The following RSPO4 variants were observed in gnomAD, a reference collection of about 807,000 sequenced individuals.
The protein encoded by RSPO4 is R-spondin-4.
RSPO4 carries 23 observed loss-of-function variants against 24.8 expected under a neutral mutation model. The observed-to-expected ratio is 0.93, with a 90% CI of 0.67 to 1.31. RSPO4 has a LOEUF of 1.31. Ranked by LOEUF, RSPO4 falls within the 40% of genes most tolerant of loss-of-function variation. The pLI, the probability that RSPO4 is intolerant of heterozygous loss-of-function variation, is 0.00. For missense variants in RSPO4, 333 were observed against 316.5 expected, an observed-to-expected ratio of 1.05 and a Z score of -0.39; for synonymous variants, 141 against 127.4, an observed-to-expected ratio of 1.11 and a Z score of -0.72.
intron 1 of RSPO4, among the ~76,000 whole-genome samples, chr20:982,964 TG>T (rs1319845922): frequency 2.6e-5 from 4 of 152,110 alleles, no homozygotes; most frequent in Non-Finnish European, 4.4e-5. Context: ...TCACAGGGAT[TG>T]GGGGCAACGC....
At chr20:1,001,098 C>A (rs1985447595) in intron 1 of RSPO4, among the ~76,000 whole-genome samples, 1 of 152,194 alleles carries the variant, frequency 6.6e-6, no homozygotes, top group Non-Finnish European at 1.5e-5. Context: ...CCAGTCTGAG[C>A]CTTGGAATCC....
rs774425406 is a variant in RSPO4 at position 964,062 on chromosome 20, G to C, written c.468C>G (p.Thr156=). The change falls in exon 4 of 5, where the codon ACC becomes ACG. Residue 156 remains threonine, a synonymous_variant. Transcript: ENST00000217260. The stretch of plus-strand genomic sequence containing the variant: ...TCTCCAGGCCCCAAGCCGAGCCGCA[G>C]GTCTTTCCATTGTGTGTGCAGGGGC... ...GWSPCTHNGK[T]CGSAWGLESR... 6.2e-7 allele frequency: 1 copy of C among 1,613,722 alleles called. No homozygotes were observed. The highest frequency in any genetic ancestry group is 1.3e-5 in the African/African-American group (1 of 74,936).
At position 960,277 on chromosome 20, in the gene RSPO4, T is replaced by G. The variant is rs1983942980; in HGVS notation, c.*80A>C. The G allele has an allele frequency of 2.4e-6, 2 of 850,694 alleles. No homozygotes were observed. Among genetic ancestry groups the G allele is most frequent in the Non-Finnish European group, 3.8e-6 (2 of 524,774 alleles). The allele number at this position is 850,694 out of a possible 1,614,324, so 52.7% of individuals were successfully genotyped here. Reference sequence around the variant, plus strand: ...AATGGAGAAGACAGAGGAGAAAGAGTAAGAGGAGAGGAGGAGAAGGAGCAG... The same window carrying G: ...AATGGAGAAGACAGAGGAGAAAGAGGAAGAGGAGAGGAGGAGAAGGAGCAG... On this transcript the variant is annotated 3_prime_UTR_variant, in exon 5 of 5. Coordinates refer to ENST00000217260, the MANE Select transcript of RSPO4 (RefSeq NM_001029871.4).
intron 1 of RSPO4, among the ~76,000 whole-genome samples, chr20:984,930 TCCATCCATCCATCCATCCATCCAC>T (rs1984858034): frequency 9.9e-6 from 1 of 101,190 alleles, no homozygotes; most frequent in Non-Finnish European, 1.8e-5. Flanking sequence ...TCCCCATCCA[TCCATCCATCCATCCATCCATCCAC>T]CCACCCACCC....
intron 1 of RSPO4, among the ~76,000 whole-genome samples, chr20:989,749 G>T (rs540608142): frequency 6.6e-6 from 1 of 152,206 alleles, no homozygotes; most frequent in East Asian, 1.9e-4. Flanking sequence ...TCCGCGAAGT[G>T]GAAACCATAA....
At chr20:985,531 G>A (rs1212029667) in intron 1 of RSPO4, among the ~76,000 whole-genome samples, 5 of 152,242 alleles carry the variant, frequency 3.3e-5, no homozygotes, top group Non-Finnish European at 5.9e-5. Flanking sequence ...CCAATGCCAT[G>A]CATGGGGCCA....
At chr20:975,817 C>G (rs764377155) in intron 1 of RSPO4, among the ~76,000 whole-genome samples, 1 of 152,170 alleles carries the variant, frequency 6.6e-6, no homozygotes, top group Non-Finnish European at 1.5e-5. Context: ...TTTACCTCTA[C>G]AAGCCTCAGT....
intron 1 of RSPO4, among the ~76,000 whole-genome samples, chr20:997,306 G>A (rs1274947117): frequency 6.6e-6 from 1 of 152,160 alleles, no homozygotes; most frequent in East Asian, 1.9e-4. Context: ...CCCCGTGGTG[G>A]GGCAATGGGA....
Position 964,136 on chromosome 20 carries a change from A to C in RSPO4, c.410-16T>G. 2 of 1,599,268 alleles carry C rather than the reference A, an allele frequency of 1.3e-6. No homozygotes were observed. The highest frequency in any genetic ancestry group is 1.7e-6 in the Non-Finnish European group (2 of 1,170,976). Reference sequence around the variant, plus strand: ...TCACACTCCCCTGTGGGGTGAAAGGAGAGACAGACAGACAGACAGACAGGG... The same window carrying C: ...TCACACTCCCCTGTGGGGTGAAAGGCGAGACAGACAGACAGACAGACAGGG... On this transcript the variant is annotated splice_polypyrimidine_tract_variant and intron_variant, in intron 3 of 4. Transcript: ENST00000217260.
chr20:980,661 T>C (rs1037179835), intron 1 of RSPO4, among the ~76,000 whole-genome samples: 3 of 152,250 alleles, frequency 2.0e-5, no homozygotes, highest in East Asian at 3.9e-4. Context: ...CGTTGACCTA[T>C]ATGGGCTGGT....
intron 1 of RSPO4, among the ~76,000 whole-genome samples, chr20:993,198 C>G (rs905448180): frequency 7.2e-5 from 11 of 152,226 alleles, no homozygotes; most frequent in African/African-American, 2.7e-4. Flanking sequence ...TTTCCCACCC[C>G]CTCCGCAATG....
intron 1 of RSPO4, among the ~76,000 whole-genome samples, chr20:991,303 C>A (rs1287490768): frequency 6.6e-6 from 1 of 152,046 alleles, no homozygotes; most frequent in Non-Finnish European, 1.5e-5. Flanking sequence ...AAAACCCAGA[C>A]CATAAGGCAG....
At chr20:990,040 T>C (rs776864100) in intron 1 of RSPO4, among the ~76,000 whole-genome samples, 1 of 152,078 alleles carries the variant, frequency 6.6e-6, no homozygotes, top group African/African-American at 2.4e-5. Context: ...ATGAGAAAAC[T>C]GAGGCTCGGA....
At position 977,550 on chromosome 20, in the gene RSPO4, T is replaced by C. The variant is rs142759982; in HGVS notation, c.80-9412A>G. 3.2e-3 allele frequency among the ~76,000 whole-genome samples: 482 copies of C among 152,290 alleles called. 1 individual carries two copies. The highest frequency in any genetic ancestry group is 0.011 in the African/African-American group (461 of 41,556). ...ATTATCACCACCTGCCCTGCCTGTGTTGGCATTTGTGATCCTGGAACTGCT... is the reference window on the plus strand; with the variant it reads ...ATTATCACCACCTGCCCTGCCTGTGCTGGCATTTGTGATCCTGGAACTGCT... On this transcript the variant is annotated intron_variant, in intron 1 of 4. Coordinates refer to ENST00000217260, the MANE Select transcript of RSPO4 (RefSeq NM_001029871.4).
intron 2 of RSPO4, 55 bp downstream of exon 2, chr20:967,895 G>T: frequency 6.6e-7 from 1 of 1,526,248 alleles, no homozygotes; most frequent in Non-Finnish European, 9.1e-7. Context: ...TGGGATCTAA[G>T]CCCATGGTGT....
At chr20:989,500 T>C (rs1985027292) in intron 1 of RSPO4, among the ~76,000 whole-genome samples, 1 of 152,154 alleles carries the variant, frequency 6.6e-6, no homozygotes, top group Non-Finnish European at 1.5e-5. Context: ...TGGTGCATTG[T>C]AGGTGCTCAA....
At chr20:979,295 T>C (rs931917410) in intron 1 of RSPO4, among the ~76,000 whole-genome samples, 3 of 152,178 alleles carry the variant, frequency 2.0e-5, no homozygotes, top group African/African-American at 7.2e-5. Flanking sequence ...GCTCTTCCTT[T>C]TGTCTGGAAT....
chr20:990,245 G>A (rs1985054229), intron 1 of RSPO4, among the ~76,000 whole-genome samples: 1 of 152,288 alleles, frequency 6.6e-6, no homozygotes, highest in Admixed American at 6.5e-5. Context: ...AGGCACACCA[G>A]GGATGGACCC....
chr20:999,983 C>T (rs1985412172), intron 1 of RSPO4, among the ~76,000 whole-genome samples: 1 of 152,122 alleles, frequency 6.6e-6, no homozygotes, highest in Non-Finnish European at 1.5e-5. Flanking sequence ...ACTCTCCTGC[C>T]TCAGCCTCCC....
Sources: gnomAD v4.1 joint callset for allele counts (sites outside exome capture counted in the v4.1 genomes callset) on GRCh38, gnomAD v4.1.1 for gene constraint, MANE v1.5 for transcripts, NCBI Gene and HGNC (gene_info 2026-07-23, HGNC 2026-07-21) for gene names.